CNTNAP5: variants seen among roughly 807,000 people sequenced by gnomAD.
CNTNAP5 encodes contactin-associated protein-like 5.
CNTNAP5 carries 72 observed loss-of-function variants against 150.2 expected under a neutral mutation model. That is an observed-to-expected ratio of 0.48 (90% CI 0.40 to 0.58). The LOEUF is 0.58. Among genes scored for constraint, CNTNAP5 ranks in the 20% least tolerant of loss-of-function variants. CNTNAP5 has a pLI of 0.00. For synonymous variants in CNTNAP5, 672 were observed against 619.8 expected, an observed-to-expected ratio of 1.08 and a Z score of -1.25; for missense variants, 1,636 against 1,626.2, an observed-to-expected ratio of 1.01 and a Z score of -0.10.
intron 1 of CNTNAP5, among the ~76,000 whole-genome samples, chr2:124,184,357 A>G (rs1685279044): frequency 6.6e-6 from 1 of 152,184 alleles, no homozygotes. Flanking sequence ...TTATATTAGC[A>G]TGGTGAAGCA....
At chr2:124,850,728 T>C (rs1379615482) in intron 19 of CNTNAP5, among the ~76,000 whole-genome samples, 1 of 151,792 alleles carries the variant, frequency 6.6e-6, no homozygotes, top group Non-Finnish European at 1.5e-5. Context: ...CATCGAGAAA[T>C]CAGCATGGAG....
chr2:124,561,226 G>A (rs1695884039), intron 10 of CNTNAP5, among the ~76,000 whole-genome samples: 1 of 152,190 alleles, frequency 6.6e-6, no homozygotes, highest in South Asian at 2.1e-4. Flanking sequence ...AGAAGAAGCA[G>A]TATTTCAGAA....
intron 7 of CNTNAP5, among the ~76,000 whole-genome samples, chr2:124,499,032 A>C (rs1329907106): frequency 6.6e-6 from 1 of 152,218 alleles, no homozygotes; most frequent in Non-Finnish European, 1.5e-5. Context: ...AAAAGGGAGA[A>C]ACAATAAGCC....
At chr2:124,714,605 G>T (rs979750127) in intron 13 of CNTNAP5, among the ~76,000 whole-genome samples, 2 of 151,978 alleles carry the variant, frequency 1.3e-5, no homozygotes, top group South Asian at 2.1e-4. Flanking sequence ...GCCCAGAGTA[G>T]CTCCTAGTTA....
At chr2:124,228,218 A>T (rs759141435) in intron 2 of CNTNAP5, among the ~76,000 whole-genome samples, 1 of 152,146 alleles carries the variant, frequency 6.6e-6, no homozygotes, top group Non-Finnish European at 1.5e-5. Context: ...GAAGAAAAGA[A>T]GATGAATATT....
intron 13 of CNTNAP5, among the ~76,000 whole-genome samples, chr2:124,707,168 G>T (rs1012584533): frequency 2.0e-5 from 3 of 147,568 alleles, no homozygotes; most frequent in Non-Finnish European, 3.0e-5. Flanking sequence ...AGAAGAAGAA[G>T]AAGAAGAAGA....
intron 1 of CNTNAP5, among the ~76,000 whole-genome samples, chr2:124,183,627 C>G (rs1685259897): frequency 6.6e-6 from 1 of 152,144 alleles, no homozygotes; most frequent in Non-Finnish European, 1.5e-5. Context: ...ACAGATAAAG[C>G]ACAGTTAATA....
chr2:124,894,943 T>A (rs185168033), intron 21 of CNTNAP5, among the ~76,000 whole-genome samples: 1 of 151,564 alleles, frequency 6.6e-6, no homozygotes, highest in African/African-American at 2.4e-5. Flanking sequence ...GAGTTTTAAA[T>A]TTGGTTATGT....
intron 3 of CNTNAP5, among the ~76,000 whole-genome samples, chr2:124,395,947 C>G (rs1048683440): frequency 6.6e-6 from 1 of 152,096 alleles, no homozygotes; most frequent in African/African-American, 2.4e-5. Flanking sequence ...AGGCAATGTG[C>G]CCCAGAGTCC....
At chr2:124,893,587 T>C (rs1358953434) in intron 21 of CNTNAP5, among the ~76,000 whole-genome samples, 1 of 152,126 alleles carries the variant, frequency 6.6e-6, no homozygotes, top group African/African-American at 2.4e-5. Flanking sequence ...TATGGAGCAA[T>C]AACTACAAAG....
At chr2:124,863,906 A>T (rs759642470) in intron 19 of CNTNAP5, among the ~76,000 whole-genome samples, 2 of 152,176 alleles carry the variant, frequency 1.3e-5, no homozygotes, top group Admixed American at 6.5e-5. Flanking sequence ...TTTCTCCCCA[A>T]TGGCCATCAG....
chr2:124,212,398 A>C (rs1450055187), intron 1 of CNTNAP5, among the ~76,000 whole-genome samples: 2 of 152,158 alleles, frequency 1.3e-5, no homozygotes, highest in Non-Finnish European at 2.9e-5. Flanking sequence ...AAATTTGTGG[A>C]AACTTTTCAA....
At chr2:124,691,317 G>A (rs577417212) in intron 13 of CNTNAP5, among the ~76,000 whole-genome samples, 1 of 152,166 alleles carries the variant, frequency 6.6e-6, no homozygotes, top group Admixed American at 6.5e-5. Context: ...ACAAAAAGTT[G>A]GTGGGTAAAG....
At chr2:124,347,374 G>T (rs1434111024) in intron 3 of CNTNAP5, among the ~76,000 whole-genome samples, 1 of 152,088 alleles carries the variant, frequency 6.6e-6, no homozygotes, top group Non-Finnish European at 1.5e-5. Context: ...GGGGGCGGGG[G>T]CACAAGCCCT....
intron 3 of CNTNAP5, among the ~76,000 whole-genome samples, chr2:124,370,149 AT>A (rs1490485700): frequency 6.6e-6 from 1 of 152,198 alleles, no homozygotes; most frequent in Non-Finnish European, 1.5e-5. Context: ...AGGAAAAGGG[AT>A]TCAAACAATT....
chr2:124,135,884 G>C (rs1242270465), intron 1 of CNTNAP5, among the ~76,000 whole-genome samples: 1 of 152,138 alleles, frequency 6.6e-6, no homozygotes, highest in East Asian at 1.9e-4. Flanking sequence ...CTCCAAGCTA[G>C]GACAATCACA....
intron 4 of CNTNAP5, among the ~76,000 whole-genome samples, chr2:124,425,209 C>A (rs1335841366): frequency 6.6e-6 from 1 of 152,194 alleles, no homozygotes; most frequent in Non-Finnish European, 1.5e-5. Context: ...AGGTAGAATC[C>A]TTAACAAAGA....
intron 16 of CNTNAP5, among the ~76,000 whole-genome samples, chr2:124,771,653 A>G (rs755156914): frequency 4.0e-5 from 6 of 151,864 alleles, no homozygotes; most frequent in Non-Finnish European, 7.4e-5. Context: ...CTCTCTCTTA[A>G]TGGTTATCCA....
intron 12 of CNTNAP5, among the ~76,000 whole-genome samples, chr2:124,625,874 A>G (rs1558709432): frequency 6.6e-6 from 1 of 152,194 alleles, no homozygotes; most frequent in Non-Finnish European, 1.5e-5. Flanking sequence ...TAGCTAGGCC[A>G]TTTTATTTAT....
Sources: allele counts gnomAD v4.1 joint callset (sites outside exome capture counted in the v4.1 genomes callset), GRCh38; gene constraint gnomAD v4.1.1; transcripts MANE v1.5; gene names NCBI Gene and HGNC (gene_info 2026-07-23, HGNC 2026-07-21).